AP3B1: variants seen among roughly 807,000 people sequenced by gnomAD.
AP3B1 encodes the protein adaptor related protein complex 3 subunit beta 1, also known as AP-3 complex subunit beta-1.
Under a neutral mutation model 132.5 loss-of-function variants are expected in AP3B1, and 61 were observed. That is an observed-to-expected ratio of 0.46 (90% CI 0.37 to 0.57). AP3B1 has a LOEUF of 0.57. Among genes scored for constraint, AP3B1 ranks in the 20% least tolerant of loss-of-function variants. The probability of loss-of-function intolerance (pLI) is 0.00; values close to 1 mark genes in which losing one functional copy is unlikely to be tolerated. For synonymous variants in AP3B1, 388 were observed against 438.3 expected, an observed-to-expected ratio of 0.89 and a Z score of 1.43; for missense variants, 1,120 against 1,289.4, an observed-to-expected ratio of 0.87 and a Z score of 2.01.
intron 18 of AP3B1, 36 bp from the exon 19 acceptor site, chr5:78,113,959 T>A (rs1390840316): frequency 6.2e-7 from 1 of 1,604,098 alleles, no homozygotes; most frequent in African/African-American, 1.3e-5. Flanking sequence ...AGATTTATAG[T>A]CATTTAATTA....
At position 78,110,251 on chromosome 5, in the gene AP3B1, C is replaced by G. The variant is rs200469464; in HGVS notation, c.2353G>C (p.Glu785Gln). The G allele has an allele frequency of 1.9e-5, 30 of 1,608,678 alleles. No individual in the cohort carries two copies. The highest frequency in any genetic ancestry group is 2.5e-5 in the Non-Finnish European group (29 of 1,176,814). The change falls in exon 20 of 27, where the codon GAG becomes CAG. Residue 785 changes from glutamate (E) to glutamine (Q), a missense_variant. By Grantham distance (29) the Glu-to-Gln change is conservative. Coordinates refer to ENST00000255194, the MANE Select transcript of AP3B1 (RefSeq NM_003664.5). ...TCAGATTCACTTTCAGGTTCTGACT[C>G]TGATTCAGAATCGGAAGAACTGTCT... ...IEDSSSDSES[E>Q]SEPESESESR...
At chr5:78,221,351 G>T (rs1017409147) in intron 6 of AP3B1, among the ~76,000 whole-genome samples, 1 of 151,836 alleles carries the variant, frequency 6.6e-6, no homozygotes, top group Admixed American at 6.6e-5. Context: ...TACCGACAAA[G>T]AAATATAAAT....
In AP3B1 at chr5:78,090,233, G is replaced by T. The variant is rs1750453196; in HGVS notation, c.2471-734C>A. 2.0e-5 allele frequency among the ~76,000 whole-genome samples: 3 copies of T among 152,256 alleles called. No homozygotes were observed. In the South Asian group the frequency reaches 6.2e-4, roughly 32 times the overall value. On this transcript the variant is annotated intron_variant, in intron 21 of 26. Coordinates refer to ENST00000255194, the MANE Select transcript of AP3B1 (RefSeq NM_003664.5). ...GAAATGTTCTACATTTGATAAAGTG[G>T]ACACTAGCCACATATGCCTAACATA...
chr5:78,195,562 G>A (rs1745048247), intron 7 of AP3B1, among the ~76,000 whole-genome samples: 1 of 152,204 alleles, frequency 6.6e-6, no homozygotes, highest in African/African-American at 2.4e-5. Flanking sequence ...GCTCACGCCT[G>A]TAATCCCAGA....
chr5:78,162,916 T>C lies in AP3B1; in HGVS notation c.1266A>G (p.Ala422=), dbSNP rs780415780. 2 of 1,613,804 alleles carry C rather than the reference T, an allele frequency of 1.2e-6. No individual in the cohort carries two copies. Among genetic ancestry groups the C allele is most frequent in the African/African-American group, 1.3e-5 (1 of 74,934 alleles). ...YVKSQDKQFA[A]ATIQTIGRCA... ...ATCTGCCTATAGTCTGAATAGTGGC[T>C]GCTGCAAATTGTTTATCCTGGCTTT... The change falls in exon 13 of 27, where the codon GCA becomes GCG. Residue 422 remains alanine, a synonymous_variant. Coordinates refer to ENST00000255194, the MANE Select transcript of AP3B1 (RefSeq NM_003664.5).
intron 21 of AP3B1, among the ~76,000 whole-genome samples, chr5:78,094,789 T>C (rs1750703624): frequency 6.6e-6 from 1 of 152,108 alleles, no homozygotes; most frequent in Non-Finnish European, 1.5e-5. Context: ...TAAGCAATTC[T>C]CCTGCTGCAG....
At chr5:78,223,200 T>C (rs191005214) in intron 6 of AP3B1, among the ~76,000 whole-genome samples, 2 of 151,874 alleles carry the variant, frequency 1.3e-5, no homozygotes, top group East Asian at 3.9e-4. Flanking sequence ...GTTTCAAATA[T>C]AAAAAGGAAG....
At chr5:78,014,116 T>C (rs547720094) in intron 26 of AP3B1, among the ~76,000 whole-genome samples, 188 of 152,020 alleles carry the variant, frequency 1.2e-3, no homozygotes, top group Non-Finnish European at 1.7e-3. Context: ...TGAGCCGAGA[T>C]CGCGCCACTG....
chr5:78,055,269 C>G (rs927486264), intron 22 of AP3B1, among the ~76,000 whole-genome samples: 1 of 152,090 alleles, frequency 6.6e-6, no homozygotes, highest in African/African-American at 2.4e-5. Context: ...TCAGGCTATA[C>G]GTATTTTTAA....
At chr5:78,225,786 C>A (rs1746375550) in intron 5 of AP3B1, among the ~76,000 whole-genome samples, 178 bp from the exon 6 acceptor site, 1 of 151,948 alleles carries the variant, frequency 6.6e-6, no homozygotes, top group African/African-American at 2.4e-5. Context: ...GTGTCCTCAT[C>A]TTTCCCTCTA....
chr5:78,041,680 G>A (rs1748094264), intron 22 of AP3B1, among the ~76,000 whole-genome samples: 1 of 151,698 alleles, frequency 6.6e-6, no homozygotes, highest in Non-Finnish European at 1.5e-5. Flanking sequence ...TAGGGCTACT[G>A]GCCTATTCAT....
At position 78,002,877 on chromosome 5, in the gene AP3B1, A is replaced by G; in HGVS notation, c.*25T>C. The G allele has an allele frequency of 1.2e-6, 2 of 1,614,174 alleles. No homozygotes were observed. The highest frequency in any genetic ancestry group is 2.2e-5 in the South Asian group (2 of 91,084). On this transcript the variant is annotated 3_prime_UTR_variant, in exon 27 of 27. Transcript: ENST00000255194. ...GCCAGGCACTTTTGTTGTGTGCCAG[A>G]TTCTAAAGTCCAGATGTAAGCAGGT...
At chr5:78,213,068 A>T (rs1745813242) in intron 7 of AP3B1, among the ~76,000 whole-genome samples, 1 of 151,810 alleles carries the variant, frequency 6.6e-6, no homozygotes, top group African/African-American at 2.4e-5. Context: ...TTTAGTAGAG[A>T]TGGGGTTTCA....
chr5:78,110,448 T>C (rs1211572486), intron 19 of AP3B1, 94 bp from the exon 20 acceptor site: 3 of 894,026 alleles, frequency 3.4e-6, no homozygotes, highest in Non-Finnish European at 5.1e-6. Flanking sequence ...AATACATTAA[T>C]GAGGTAATAA....
intron 22 of AP3B1, among the ~76,000 whole-genome samples, chr5:78,053,652 C>G (rs953970542): frequency 6.9e-6 from 1 of 145,064 alleles, no homozygotes; most frequent in African/African-American, 2.6e-5. Context: ...TGTACTCCAG[C>G]CTGGTGATAG....
At chr5:78,226,797 T>C (rs1472611213) in intron 5 of AP3B1, among the ~76,000 whole-genome samples, 1 of 152,130 alleles carries the variant, frequency 6.6e-6, no homozygotes, top group South Asian at 2.1e-4. Flanking sequence ...CAGTAAATTT[T>C]CCACAGAGAT....
intron 6 of AP3B1, among the ~76,000 whole-genome samples, chr5:78,220,976 G>C (rs1746155647): frequency 6.6e-6 from 1 of 152,114 alleles, no homozygotes; most frequent in African/African-American, 2.4e-5. Flanking sequence ...TTGTGCTGGG[G>C]AGGTCGAGGC....
chr5:78,119,897 C>T (rs1387999727), intron 17 of AP3B1, among the ~76,000 whole-genome samples: 1 of 152,138 alleles, frequency 6.6e-6, no homozygotes, highest in Non-Finnish European at 1.5e-5. Flanking sequence ...GTCAGATTCA[C>T]CAAACTTGAA....
intron 2 of AP3B1, among the ~76,000 whole-genome samples, chr5:78,259,279 C>T (rs1013162618): frequency 1.3e-5 from 2 of 150,502 alleles, no homozygotes; most frequent in South Asian, 2.1e-4. Context: ...GAAAGACAAA[C>T]ATTTCATGTT....
Sources: gnomAD v4.1 joint callset for allele counts (sites outside exome capture counted in the v4.1 genomes callset) on GRCh38, gnomAD v4.1.1 for gene constraint, MANE v1.5 for transcripts, NCBI Gene and HGNC (gene_info 2026-07-23, HGNC 2026-07-21) for gene names.